SOX30: variants seen among roughly 807,000 people sequenced by gnomAD.
SOX30 encodes transcription factor SOX-30.
In SOX30, 17 loss-of-function variants were observed where a neutral mutation model predicts 58.6. The ratio of observed to expected loss-of-function variants is 0.29; its 90% confidence interval spans 0.20 to 0.44. The LOEUF (loss-of-function observed/expected upper bound fraction) is 0.44. Ranked by LOEUF, SOX30 falls within the 20% of genes least tolerant of loss-of-function variation. The probability of loss-of-function intolerance (pLI) is 1.00; values close to 1 mark genes in which losing one functional copy is unlikely to be tolerated. For missense variants in SOX30, 951 were observed against 965.8 expected (o/e 0.98, Z 0.20); for synonymous variants, 421 against 400.2 (o/e 1.05, Z -0.62).
chr5:157,635,582 C>A (rs1230588879), intron 4 of SOX30, among the ~76,000 whole-genome samples: 1 of 151,986 alleles, frequency 6.6e-6, no homozygotes, highest in Non-Finnish European at 1.5e-5. Flanking sequence ...CAAGATTGCG[C>A]CACTGCACTC....
At position 157,638,607 on chromosome 5, in the gene SOX30, A is replaced by G; in HGVS notation, c.1503T>C (p.Ser501=). 2 of 1,614,134 alleles carry G rather than the reference A, an allele frequency of 1.2e-6. No homozygotes were observed. The highest frequency in any genetic ancestry group is 2.2e-5 in the South Asian group (2 of 91,078). The change falls in exon 4 of 5, where the codon AGT becomes AGC. Residue 501 remains serine (S), a synonymous_variant. Coordinates refer to ENST00000265007, the MANE Select transcript of SOX30 (RefSeq NM_178424.2). ...GTGGGAGTGCTGGATAGACAGGTAG[A>G]CTTGGATCCTGGACAGCCACCTGAG... ...SAAQVAVQDP[S]LPVYPALPPQ...
chr5:157,648,896 C>T lies in SOX30; in HGVS notation c.968G>A (p.Gly323Asp), dbSNP rs1423576588. Residue 323 changes from glycine (G) to aspartate (D), a missense_variant and splice_region_variant, in exon 2 of 5, where the codon GGC (glycine) becomes GAC (aspartate). This residue lies in a region of SOX30 where 60 missense variants were observed against 74.0 expected (regional missense o/e 0.81). Transcript: ENST00000265007. Reference protein sequence around the residue: ...VPLTVLPSDAGIPDTPFSKDR... With the variant: ...VPLTVLPSDADIPDTPFSKDR... ...CTTACTGAAGGGAGTATCTGGTATG[C>T]CTACATGACAAAAATTAAAAGGCTA... 1 of 1,589,530 alleles carries T rather than the reference C, an allele frequency of 6.3e-7. No homozygotes were observed. Among genetic ancestry groups the T allele is most frequent in the East Asian group, 2.3e-5 (1 of 44,366 alleles).
upstream of SOX30, among the ~76,000 whole-genome samples, chr5:157,656,090 G>A (rs1759468856): frequency 1.3e-5 from 2 of 152,208 alleles, no homozygotes; most frequent in African/African-American, 4.8e-5. Context: ...TTTCACAGTG[G>A]TGGCCCGGGT....
chr5:157,634,301 C>G (rs1349089542), intron 4 of SOX30, among the ~76,000 whole-genome samples: 3 of 152,164 alleles, frequency 2.0e-5, no homozygotes, highest in Non-Finnish European at 4.4e-5. Flanking sequence ...GCAGCCTTCA[C>G]CTCCCAGGCT....
chr5:157,650,574 TC>T (rs1282255387), intron 1 of SOX30, among the ~76,000 whole-genome samples: 1 of 152,204 alleles, frequency 6.6e-6, no homozygotes, highest in East Asian at 1.9e-4. Flanking sequence ...TTTCTATAAG[TC>T]ATTACCTTTC....
chr5:157,664,079 A>G (rs1759623326), intron 2 of SOX30, among the ~76,000 whole-genome samples: 1 of 109,906 alleles, frequency 9.1e-6, no homozygotes, highest in African/African-American at 5.2e-5. Context: ...GACTTTCTTC[A>G]CAGAATTGGA....
Position 157,626,192 on chromosome 5 carries a change from T to C in SOX30, c.*148A>G, listed in dbSNP as rs1012789181. The stretch of plus-strand genomic sequence containing the variant: ...TCTAGTTTCACTAATCAAAATTTTA[T>C]GAAGACATAAATTGCATTTGGTTTT... On this transcript the variant is annotated 3_prime_UTR_variant, in exon 5 of 5. Coordinates refer to ENST00000265007, the MANE Select transcript of SOX30 (RefSeq NM_178424.2). 4.8e-6 allele frequency: 3 copies of C among 629,566 alleles called. No individual in the cohort carries two copies. Among genetic ancestry groups the C allele is most frequent in the Non-Finnish European group, 5.1e-6 (2 of 392,016 alleles). 39.0% of individuals were successfully genotyped at this position (629,566 alleles called of 1,614,324 possible).
chr5:157,651,275 G>A lies in SOX30; in HGVS notation c.804C>T (p.Pro268=), dbSNP rs1561586274. 6.2e-7 allele frequency: 1 copy of A among 1,614,166 alleles called. No individual in the cohort carries two copies. The highest frequency in any genetic ancestry group is 8.5e-7 in the Non-Finnish European group (1 of 1,180,036). ...LRIPLTLHTV[P]PGARIQFQGA... is the part of the protein sequence containing the mutation. ...CCTGAAACTGGATCCGGGCCCCAGG[G>A]GGGACCGTGTGGAGCGTCAAAGGGA... Residue 268 remains proline (P), a synonymous_variant, in exon 1 of 5, where the codon CCC becomes CCT. Coordinates refer to ENST00000265007, the MANE Select transcript of SOX30 (RefSeq NM_178424.2).
At chr5:157,639,721 G>A (rs1759017306) in intron 3 of SOX30, among the ~76,000 whole-genome samples, 1 of 152,172 alleles carries the variant, frequency 6.6e-6, no homozygotes, top group South Asian at 2.1e-4. Flanking sequence ...CACAGCAAGA[G>A]AGTCATGATC....
Position 157,651,335 on chromosome 5 carries a change from G to A in SOX30, c.744C>T (p.Ser248=). 1 of 1,614,008 alleles carries A rather than the reference G, an allele frequency of 6.2e-7. No homozygotes were observed. Residue 248 remains serine, a synonymous_variant, in exon 1 of 5, where the codon TCC becomes TCT. Transcript: ENST00000265007. ...CTTGCTGGTGCGGCCCAAAGGCACC[G>A]GACGTTGGGGCCAAGATGACCTCCG... ...GSAEVILAPT[S]GAFGPHQQDL...
intron 2 of SOX30, among the ~76,000 whole-genome samples, chr5:157,666,297 A>G (rs1759669344): frequency 1.3e-5 from 2 of 152,080 alleles, no homozygotes; most frequent in Middle Eastern, 3.4e-3. Flanking sequence ...AGTAGCTGGG[A>G]CCACAGGAAC....
intron 2 of SOX30, among the ~76,000 whole-genome samples, chr5:157,663,814 C>T (rs1228077754): frequency 6.6e-6 from 1 of 152,118 alleles, no homozygotes; most frequent in East Asian, 1.9e-4. Context: ...CAATAACAGA[C>T]AAACAGCCAA....
At chr5:157,638,083 A>G (rs72811395) in intron 4 of SOX30, 147 bp downstream of exon 4, 17,903 of 768,548 alleles carry the variant, frequency 0.023, 276 homozygotes, top group Admixed American at 0.03. Context: ...CTCTCCATCT[A>G]TTTATGTTAA....
chr5:157,653,744 C>T (rs1415577732), upstream of SOX30, among the ~76,000 whole-genome samples: 1 of 152,200 alleles, frequency 6.6e-6, no homozygotes, highest in Non-Finnish European at 1.5e-5. Flanking sequence ...CACTCAAAGA[C>T]CACTCCAATT....
chr5:157,644,165 T>G (rs1759135457), intron 3 of SOX30, among the ~76,000 whole-genome samples: 1 of 152,130 alleles, frequency 6.6e-6, no homozygotes, highest in African/African-American at 2.4e-5. Context: ...AACAAATTTG[T>G]TTGTTTGTTT....
At chr5:157,654,491 A>G (rs1049641997), upstream of SOX30, among the ~76,000 whole-genome samples, 1 of 152,188 alleles carries the variant, frequency 6.6e-6, no homozygotes, top group African/African-American at 2.4e-5. Flanking sequence ...TAAATGGGAG[A>G]GGCAACTGTA....
At position 157,651,740 on chromosome 5, in the gene SOX30, C is replaced by A. The variant is rs61732988; in HGVS notation, c.339G>T (p.Pro113=). 1 of 1,560,166 alleles carries A rather than the reference C, an allele frequency of 6.4e-7. No homozygotes were observed. The highest frequency in any genetic ancestry group is 1.4e-5 in the African/African-American group (1 of 73,688). Residue 113 remains proline, a synonymous_variant, in exon 1 of 5, where the codon CCG becomes CCT. Coordinates refer to ENST00000265007, the MANE Select transcript of SOX30 (RefSeq NM_178424.2). ...FRPDLRLLQP[P]TASDGATSRP... is the part of the protein sequence containing the mutation. ...TGGAGGTGGCGCCGTCTGACGCTGTCGGCGGCTGCAGGAGCCGCAGGTCGG... is the reference window on the plus strand; with the variant it reads ...TGGAGGTGGCGCCGTCTGACGCTGTAGGCGGCTGCAGGAGCCGCAGGTCGG...
rs2113850210 is a variant in SOX30 at position 157,651,469 on chromosome 5, G to A, written c.610C>T (p.Pro204Ser). 1 of 1,613,402 alleles carries A rather than the reference G, an allele frequency of 6.2e-7. No homozygotes were observed. Among genetic ancestry groups the A allele is most frequent in the South Asian group, 1.1e-5 (1 of 91,084 alleles). Residue 204 changes from proline (P) to serine (S), a missense_variant, in exon 1 of 5, where the codon CCG becomes TCG. By Grantham distance (74) the Pro-to-Ser change is moderately conservative. Transcript: ENST00000265007. ...DSMQGGAGKS[P>S]AAIREGVIKT... ...ATCACACCTTCTCGGATGGCTGCCG[G>A]GCTTTTGCCTGCCCCGCCTTGCATC...
chr5:157,629,979 T>C (rs1198998806), intron 4 of SOX30, among the ~76,000 whole-genome samples: 1 of 152,188 alleles, frequency 6.6e-6, no homozygotes. Context: ...ATCCTTCTTA[T>C]ATAAAATAGG....
Sources: allele counts gnomAD v4.1 joint callset (sites outside exome capture counted in the v4.1 genomes callset), GRCh38; gene constraint gnomAD v4.1.1; regional missense constraint gnomAD v4.1.1; transcripts MANE v1.5; gene names NCBI Gene and HGNC (gene_info 2026-07-23, HGNC 2026-07-21).